The following GPRIN2 variants were observed in gnomAD, a reference collection of about 807,000 sequenced individuals.
The protein encoded by GPRIN2 is G protein-regulated inducer of neurite outgrowth 2.
In GPRIN2, 1 loss-of-function variant was observed where a neutral mutation model predicts 0.3. The ratio of observed to expected loss-of-function variants is 3.90; its 90% CI spans 1.39 to 18.51. The LOEUF (loss-of-function observed/expected upper bound fraction) is 18.51. Ranked by LOEUF, GPRIN2 falls within the 30% of genes most tolerant of loss-of-function variation. The pLI, the probability that GPRIN2 is intolerant of heterozygous loss-of-function variation, is 0.11. For missense variants in GPRIN2, 880 were observed against 604.2 expected, an observed-to-expected ratio of 1.46 and a Z score of -4.79; for synonymous variants, 361 against 258.6, an observed-to-expected ratio of 1.40 and a Z score of -3.80.
rs1832973645 is a variant in GPRIN2 at position 46,544,774 on chromosome 10, C to T, written c.*4586G>A. 6.6e-6 allele frequency among the ~76,000 whole-genome samples: 1 copy of T among 152,308 alleles called. No homozygotes were observed. The highest frequency in any genetic ancestry group is 1.5e-5 in the Non-Finnish European group (1 of 68,056). The stretch of plus-strand genomic sequence containing the variant: ...GAGTCAGGCTATGCTACCCTCCTTC[C>T]ATGGCCATGGGAAAAAGGGGTGTGT... On this transcript the variant is annotated 3_prime_UTR_variant, in exon 3 of 3. Transcript: ENST00000374314.
Position 46,546,714 on chromosome 10 carries a change from G to T in GPRIN2, c.*2646C>A, listed in dbSNP as rs1842192791. Among the ~76,000 whole-genome samples the T allele has an allele frequency of 6.6e-6, 1 of 152,310 alleles. No homozygotes were observed. Among genetic ancestry groups the T allele is most frequent in the Non-Finnish European group, 1.5e-5 (1 of 68,058 alleles). On this transcript the variant is annotated 3_prime_UTR_variant, in exon 3 of 3. Transcript: ENST00000374314. ...GGGCACAGCAAAGGGGGTTGGGAGG[G>T]GTCTCCAGTTCCAATCAGAAATGAG...
chr10:46,546,545 A>G lies in GPRIN2; in HGVS notation c.*2815T>C, dbSNP rs1842177088. Among the ~76,000 whole-genome samples, 1 of 152,306 alleles carries G rather than the reference A, an allele frequency of 6.6e-6. No individual in the cohort carries two copies. The highest frequency in any genetic ancestry group is 2.1e-4 in the South Asian group (1 of 4,836). On this transcript the variant is annotated 3_prime_UTR_variant, in exon 3 of 3. Coordinates refer to ENST00000374314, the MANE Select transcript of GPRIN2 (RefSeq NM_001385282.1). ...AACAAACACATCAACAGTGAACTCC[A>G]ACACCTCCCAGAGCAGGGCCTGAAA...
chr10:46,549,783 T>A lies in GPRIN2; in HGVS notation c.954A>T (p.Ser318=). 6.2e-7 allele frequency: 1 copy of A among 1,614,186 alleles called. No individual in the cohort carries two copies. The highest frequency in any genetic ancestry group is 8.5e-7 in the Non-Finnish European group (1 of 1,180,046). Residue 318 remains serine, a synonymous_variant, in exon 3 of 3, where the codon TCA becomes TCT. Coordinates refer to ENST00000374314, the MANE Select transcript of GPRIN2 (RefSeq NM_001385282.1). ...CCTCTGCAGGGGCCAAGTCATTGGC[T>A]GAGGTCATGGTCCACACATCTTTGG... ...SRTKDVWTMT[S]ANDLAPAEAS... is the part of the protein sequence containing the mutation.
chr10:46,554,034 C>T (rs992964413), intron 2 of GPRIN2, among the ~76,000 whole-genome samples: 1 of 152,310 alleles, frequency 6.6e-6, no homozygotes, highest in Non-Finnish European at 1.5e-5. Context: ...ACAGGTGGAC[C>T]CCTAACTTCT....
rs1842143345 is a variant in GPRIN2 at position 46,546,173 on chromosome 10, T to G, written c.*3187A>C. ...CCAGCTCTACTCTATGAGTTTCTTGTGACAGTGATGGCAGCCTGGGGCCAG... is the reference window on the plus strand; with the variant it reads ...CCAGCTCTACTCTATGAGTTTCTTGGGACAGTGATGGCAGCCTGGGGCCAG... On this transcript the variant is annotated 3_prime_UTR_variant, in exon 3 of 3. Transcript: ENST00000374314. Among the ~76,000 whole-genome samples the G allele has an allele frequency of 6.6e-6, 1 of 152,296 alleles. No homozygotes were observed. The highest frequency in any genetic ancestry group is 1.5e-5 in the Non-Finnish European group (1 of 68,058).
rs2131591848 is a variant in GPRIN2 at position 46,550,433 on chromosome 10, C to T, written c.304G>A (p.Gly102Ser). ...SSTVGNVSTM[G>S]GSDLCRLRAP... Reference sequence around the variant, plus strand: ...CGCAGGCGACACAGGTCACTGCCGCCCATGGTGGACACATTGCCCACAGTG... The same window carrying T: ...CGCAGGCGACACAGGTCACTGCCGCTCATGGTGGACACATTGCCCACAGTG... The change falls in exon 3 of 3, where the codon GGC becomes AGC. Residue 102 changes from glycine (G) to serine (S), a missense_variant. Coordinates refer to ENST00000374314, the MANE Select transcript of GPRIN2 (RefSeq NM_001385282.1). 1.2e-6 allele frequency: 2 copies of T among 1,611,932 alleles called. No individual in the cohort carries two copies. The highest frequency in any genetic ancestry group is 1.7e-6 in the Non-Finnish European group (2 of 1,179,754).
upstream of GPRIN2, among the ~76,000 whole-genome samples, chr10:46,557,358 T>C (rs1278130357): frequency 6.6e-6 from 1 of 152,246 alleles, no homozygotes; most frequent in Non-Finnish European, 1.5e-5. Context: ...GAGCCCTCCA[T>C]TGCCCCTCAA....
Position 46,545,647 on chromosome 10 carries a change from G to C in GPRIN2, c.*3713C>G, listed in dbSNP as rs2133180694. Among the ~76,000 whole-genome samples the C allele has an allele frequency of 6.6e-6, 1 of 152,430 alleles. No individual in the cohort carries two copies. Among genetic ancestry groups the C allele is most frequent in the Non-Finnish European group, 1.5e-5 (1 of 68,050 alleles). ...GGCGAGGAACCTGGAAAGAGGCTCT[G>C]AACAAGGGACTTTTAAGGAAGTGGG... On this transcript the variant is annotated 3_prime_UTR_variant, in exon 3 of 3. Coordinates refer to ENST00000374314, the MANE Select transcript of GPRIN2 (RefSeq NM_001385282.1).
Position 46,547,331 on chromosome 10 carries a change from C to T in GPRIN2, c.*2029G>A, listed in dbSNP as rs1191776984. Among the ~76,000 whole-genome samples the T allele has an allele frequency of 2.0e-5, 3 of 152,280 alleles. No homozygotes were observed. The highest frequency in any genetic ancestry group is 7.2e-5 in the African/African-American group (3 of 41,484). On this transcript the variant is annotated 3_prime_UTR_variant, in exon 3 of 3. Coordinates refer to ENST00000374314, the MANE Select transcript of GPRIN2 (RefSeq NM_001385282.1). ...TCCACTGGAAGCCAAATGGATATTT[C>T]TAAACTGAAATCTGGTCCCACCTCA...
chr10:46,541,865 C>A lies in GPRIN2; in HGVS notation c.*7495G>T, dbSNP rs921944367. Among the ~76,000 whole-genome samples the A allele has an allele frequency of 6.6e-6, 1 of 152,302 alleles. No individual in the cohort carries two copies. Among genetic ancestry groups the A allele is most frequent in the Non-Finnish European group, 1.5e-5 (1 of 68,052 alleles). On this transcript the variant is annotated 3_prime_UTR_variant, in exon 3 of 3. Coordinates refer to ENST00000374314, the MANE Select transcript of GPRIN2 (RefSeq NM_001385282.1). ...TCCGACTTCCTGCCCAGCTGTCCTACGGTATCCCAGGTGCCAGCCCCCTGT... is the reference window on the plus strand; with the variant it reads ...TCCGACTTCCTGCCCAGCTGTCCTAAGGTATCCCAGGTGCCAGCCCCCTGT...
At position 46,550,211 on chromosome 10, in the gene GPRIN2, G is replaced by A. The variant is rs1832445679; in HGVS notation, c.526C>T (p.Leu176=). 2.5e-6 allele frequency: 4 copies of A among 1,602,330 alleles called. No individual in the cohort carries two copies. Among genetic ancestry groups the A allele is most frequent in the African/African-American group, 2.7e-5 (2 of 74,690 alleles). The change falls in exon 3 of 3, where the codon CTG becomes TTG. Residue 176 remains leucine, a synonymous_variant. Coordinates refer to ENST00000374314, the MANE Select transcript of GPRIN2 (RefSeq NM_001385282.1). ...GQAPAGLERD[L]APEDETSNSA... Reference sequence around the variant, plus strand: ...TTAGAAGTCTCATCCTCAGGAGCCAGGTCCCTTTCCAGGCCTGCAGGGGCC... The same window carrying A: ...TTAGAAGTCTCATCCTCAGGAGCCAAGTCCCTTTCCAGGCCTGCAGGGGCC...
At chr10:46,553,409 G>A (rs1435837721) in intron 2 of GPRIN2, among the ~76,000 whole-genome samples, 2 of 152,306 alleles carry the variant, frequency 1.3e-5, no homozygotes, top group Admixed American at 1.3e-4. Context: ...CCCCTGGCAG[G>A]GAGACAACCA....
chr10:46,556,687 CGGGGCGGCGGGA>C (rs1588981905), upstream of GPRIN2, among the ~76,000 whole-genome samples: 1 of 152,178 alleles, frequency 6.6e-6, no homozygotes, highest in Non-Finnish European at 1.5e-5. Flanking sequence ...CAGCTGGCAC[CGGGGCGGCGGGA>C]GGGGCGGCGG....
rs1832727453 is a variant in GPRIN2 at position 46,549,422 on chromosome 10, C to A, written c.1315G>T (p.Ala439Ser). The change falls in exon 3 of 3, where the codon GCT (alanine) becomes TCT (serine). Residue 439 changes from alanine to serine, a missense_variant. Physicochemically the swap from Ala to Ser is moderately conservative, Grantham distance 99. Transcript: ENST00000374314. ...GGGCGCCGCAGGGACTGCATGACAG[C>A]CCGCAGTGGCCCCCTCCGGCCCTCC... Reference protein sequence around the residue: ...SVEGRRGPLRAVMQSLRRPSC... With the variant: ...SVEGRRGPLRSVMQSLRRPSC... 31 of 1,568,256 alleles carry A rather than the reference C, an allele frequency of 2.0e-5. No homozygotes were observed. In the South Asian group the frequency reaches 3.1e-4, roughly 16 times the overall value.
intron 2 of GPRIN2, among the ~76,000 whole-genome samples, chr10:46,553,579 C>G (rs995185178): frequency 1.3e-5 from 2 of 152,298 alleles, no homozygotes; most frequent in Non-Finnish European, 2.9e-5. Flanking sequence ...CAGACCCCCA[C>G]CAAGACCCAC....
chr10:46,557,202 G>C (rs1438043168), upstream of GPRIN2, among the ~76,000 whole-genome samples: 4 of 152,298 alleles, frequency 2.6e-5, no homozygotes, highest in African/African-American at 9.6e-5. Flanking sequence ...TGGGATACCA[G>C]GCCTGGTCTC....
At chr10:46,551,870 T>G (rs902247280) in intron 2 of GPRIN2, among the ~76,000 whole-genome samples, 1 of 152,312 alleles carries the variant, frequency 6.6e-6, no homozygotes, top group African/African-American at 2.4e-5. Context: ...ATGGAACAGT[T>G]TGGCCAACTG....
Position 46,556,512 on chromosome 10 carries a change from G to A in GPRIN2, c.-132C>T, listed in dbSNP as rs1251146894. On this transcript the variant is annotated 5_prime_UTR_variant, in exon 1 of 3. Coordinates refer to ENST00000374314, the MANE Select transcript of GPRIN2 (RefSeq NM_001385282.1). ...CAGCCTCTCACCCTCTCGCCCGCCG[G>A]GGCCGCGCAGGCGGGGGAAGCGCTG... Among the ~76,000 whole-genome samples, 1 of 152,266 alleles carries A rather than the reference G, an allele frequency of 6.6e-6. No individual in the cohort carries two copies. Among genetic ancestry groups the A allele is most frequent in the African/African-American group, 2.4e-5 (1 of 41,476 alleles).
chr10:46,544,411 C>T lies in GPRIN2; in HGVS notation c.*4949G>A, dbSNP rs1472613516. On this transcript the variant is annotated 3_prime_UTR_variant, in exon 3 of 3. Transcript: ENST00000374314. ...CTATCTCGGCTCACTGCAACCTCCA[C>T]CTCCTGGGCTCAAGCCATCTTCCCA... Among the ~76,000 whole-genome samples the T allele has an allele frequency of 1.3e-5, 2 of 152,310 alleles. No individual in the cohort carries two copies. The highest frequency in any genetic ancestry group is 2.9e-5 in the Non-Finnish European group (2 of 68,056).
Sources: allele counts gnomAD v4.1 joint callset (sites outside exome capture counted in the v4.1 genomes callset), GRCh38; gene constraint gnomAD v4.1.1; transcripts MANE v1.5; gene names NCBI Gene and HGNC (gene_info 2026-07-23, HGNC 2026-07-21).